ROBO2: variants seen among roughly 807,000 people sequenced by gnomAD.
ROBO2 encodes the protein roundabout guidance receptor 2.
Under a neutral mutation model 160.8 loss-of-function variants are expected in ROBO2, and 53 were observed. The ratio of observed to expected loss-of-function variants is 0.33; its 90% CI spans 0.26 to 0.41. The LOEUF is 0.41. Among genes scored for constraint, ROBO2 ranks in the 10% least tolerant of loss-of-function variants. The pLI, the probability that ROBO2 is intolerant of heterozygous loss-of-function variation, is 1.00. For synonymous variants in ROBO2, 664 were observed against 611.7 expected (o/e 1.09, Z -1.26); for missense variants, 1,577 against 1,722.4 (o/e 0.92, Z 1.49).
intron 2 of ROBO2, among the ~76,000 whole-genome samples, chr3:76,582,474 GT>G (rs2085762853): frequency 6.6e-6 from 1 of 151,950 alleles, no homozygotes; most frequent in African/African-American, 2.4e-5. Context: ...AGCCATAACT[GT>G]ACACATAGAT....
intron 2 of ROBO2, among the ~76,000 whole-genome samples, chr3:76,126,257 A>C (rs1186194006): frequency 6.6e-6 from 1 of 152,176 alleles, no homozygotes; most frequent in Non-Finnish European, 1.5e-5. Flanking sequence ...GAGGAGTGTC[A>C]ATAGAGACCA....
At chr3:76,003,181 G>A (rs34333729) in intron 2 of ROBO2, among the ~76,000 whole-genome samples, 41,041 of 151,998 alleles carry the variant, frequency 0.27, 5,835 homozygotes, top group East Asian at 0.36. Context: ...TTCTCATGAT[G>A]CACACTTGAC....
At chr3:76,058,265 T>C (rs1452913772) in intron 2 of ROBO2, among the ~76,000 whole-genome samples, 4 of 151,950 alleles carry the variant, frequency 2.6e-5, no homozygotes, top group Non-Finnish European at 5.9e-5. Context: ...CCCCCTACCC[T>C]CCAACAGGCC....
At position 77,314,157 on chromosome 3, in the gene ROBO2, C is replaced by T. The variant is rs1478017745; in HGVS notation, c.389-163257C>T. Among the ~76,000 whole-genome samples, 6 of 152,256 alleles carry T rather than the reference C, an allele frequency of 3.9e-5. No homozygotes were observed. In the South Asian group the frequency reaches 1.0e-3, roughly 26 times the overall value. ...CTCATAGGCCACAACAAGTCACATG[C>T]CACACATAACCACAAAGAAGTCAGA... On this transcript the variant is annotated intron_variant, in intron 2 of 25. Transcript: ENST00000461745.
intron 2 of ROBO2, among the ~76,000 whole-genome samples, chr3:76,174,777 A>G (rs917375557): frequency 2.0e-5 from 3 of 152,114 alleles, no homozygotes; most frequent in Admixed American, 2.0e-4. Context: ...CTTATAGTAT[A>G]GTTTGAAGTC....
intron 2 of ROBO2, among the ~76,000 whole-genome samples, chr3:77,289,884 G>A (rs375015623): frequency 1.7e-4 from 24 of 143,580 alleles, no homozygotes; most frequent in Non-Finnish European, 2.2e-4. Flanking sequence ...ATGGTAAAAC[G>A]GGAAGTTGAG....
At chr3:76,644,423 T>C (rs1422070653) in intron 2 of ROBO2, among the ~76,000 whole-genome samples, 2 of 152,246 alleles carry the variant, frequency 1.3e-5, no homozygotes, top group Non-Finnish European at 2.9e-5. Flanking sequence ...GATTTTTCCC[T>C]GGAACCTCTG....
chr3:77,233,062 A>C (rs1322309437), intron 2 of ROBO2, among the ~76,000 whole-genome samples: 2 of 152,158 alleles, frequency 1.3e-5, no homozygotes, highest in African/African-American at 4.8e-5. Context: ...GAATACATTT[A>C]GTCTACTTAT....
chr3:77,362,753 C>T (rs138687251), intron 2 of ROBO2, among the ~76,000 whole-genome samples: 3 of 152,192 alleles, frequency 2.0e-5, no homozygotes, highest in Admixed American at 2.0e-4. Flanking sequence ...TTAATTGACT[C>T]CCAGTTCACA....
At chr3:77,565,851 T>A (rs777407558) in intron 12 of ROBO2, among the ~76,000 whole-genome samples, 1 of 152,096 alleles carries the variant, frequency 6.6e-6, no homozygotes, top group Non-Finnish European at 1.5e-5. Flanking sequence ...CATAATTTTA[T>A]CCTTATTACC....
At chr3:76,759,420 T>A (rs533083546) in intron 2 of ROBO2, among the ~76,000 whole-genome samples, 2 of 151,928 alleles carry the variant, frequency 1.3e-5, no homozygotes, top group African/African-American at 4.8e-5. Flanking sequence ...TCTTAAATCA[T>A]TAATTATTAC....
chr3:77,568,531 C>T (rs2093554177), intron 13 of ROBO2, 97 bp downstream of exon 14: 1 of 1,440,906 alleles, frequency 6.9e-7, no homozygotes, highest in Non-Finnish European at 9.7e-7. Flanking sequence ...ATAAAAATTC[C>T]CGCCATTTAA....
chr3:76,884,663 T>C (rs1332971340), intron 2 of ROBO2, among the ~76,000 whole-genome samples: 3 of 152,222 alleles, frequency 2.0e-5, no homozygotes, highest in Admixed American at 1.3e-4. Context: ...AGTAAGTTAC[T>C]AGAAGCCTAG....
chr3:76,554,795 G>A (rs2083608935), intron 2 of ROBO2, among the ~76,000 whole-genome samples: 1 of 151,976 alleles, frequency 6.6e-6, no homozygotes, highest in Admixed American at 6.6e-5. Context: ...TTTATAAAAA[G>A]GCACATTTCT....
At chr3:76,129,600 T>G (rs936714799) in intron 2 of ROBO2, among the ~76,000 whole-genome samples, 2 of 152,104 alleles carry the variant, frequency 1.3e-5, no homozygotes, top group African/African-American at 4.8e-5. Flanking sequence ...CGAAAAATGA[T>G]TCAACATCCC....
intron 2 of ROBO2, among the ~76,000 whole-genome samples, chr3:76,384,166 T>G (rs978921194): frequency 3.9e-5 from 6 of 152,244 alleles, no homozygotes; most frequent in African/African-American, 9.6e-5. Flanking sequence ...TGAGTTGCAC[T>G]GATACATTTT....
At chr3:77,469,818 G>T (rs1427856038) in intron 2 of ROBO2, among the ~76,000 whole-genome samples, 1 of 152,082 alleles carries the variant, frequency 6.6e-6, no homozygotes, top group Non-Finnish European at 1.5e-5. Context: ...TAAAAAAGGG[G>T]TGCAGCACAC....
chr3:77,347,131 GAAGTTCCATTT>G (rs1402574504), intron 2 of ROBO2, among the ~76,000 whole-genome samples: 1 of 152,094 alleles, frequency 6.6e-6, no homozygotes, highest in African/African-American at 2.4e-5. Context: ...CCACTCAGGA[GAAGTTCCATTT>G]AAGTTTAGTT....
In ROBO2 at chr3:76,376,620, A is replaced by C. The variant is rs559623708; in HGVS notation, c.109+439018A>C. On this transcript the variant is annotated intron_variant, in intron 2 of 26. Transcript: ENST00000487694. ...AACAGATAGAAACCAATACTCTAGCAATGGCTTTTGTGAAAAGAAAGTCTT... is the reference window on the plus strand; with the variant it reads ...AACAGATAGAAACCAATACTCTAGCCATGGCTTTTGTGAAAAGAAAGTCTT... 1.1e-4 allele frequency among the ~76,000 whole-genome samples: 17 copies of C among 151,772 alleles called. No individual in the cohort carries two copies. In the East Asian group the frequency reaches 3.1e-3, roughly 28 times the overall value.
Sources: allele counts gnomAD v4.1 joint callset (sites outside exome capture counted in the v4.1 genomes callset), GRCh38; gene constraint gnomAD v4.1.1; transcripts MANE v1.5; gene names NCBI Gene and HGNC (gene_info 2026-07-23, HGNC 2026-07-21).